Variants in HS6ST3 observed in about 807,000 individuals in gnomAD.
HS6ST3 encodes heparan-sulfate 6-O-sulfotransferase 3.
Under a neutral mutation model 36.7 loss-of-function variants are expected in HS6ST3, and 12 were observed. The observed-to-expected ratio is 0.33, with a 90% CI of 0.21 to 0.53. HS6ST3 has a LOEUF of 0.53. HS6ST3 is among the 20% of genes least tolerant of loss of function. The probability of loss-of-function intolerance (pLI) is 0.95; values close to 1 mark genes in which losing one functional copy is unlikely to be tolerated. For missense variants in HS6ST3, 584 were observed against 640.9 expected (o/e 0.91, Z 0.96); for synonymous variants, 240 against 257.5 (o/e 0.93, Z 0.65).
chr13:96,097,795 A>G (rs2053798604), intron 1 of HS6ST3, among the ~76,000 whole-genome samples: 1 of 152,254 alleles, frequency 6.6e-6, no homozygotes, highest in Non-Finnish European at 1.5e-5. Flanking sequence ...ACAGTTGCTC[A>G]GTTGCTCAGT....
chr13:96,444,636 A>T (rs953237566), intron 1 of HS6ST3, among the ~76,000 whole-genome samples: 2 of 152,238 alleles, frequency 1.3e-5, no homozygotes, highest in Admixed American at 6.5e-5. Flanking sequence ...TTCTGGATTC[A>T]ATATGATACA....
chr13:96,208,276 A>C (rs1053650776), intron 1 of HS6ST3, among the ~76,000 whole-genome samples: 12 of 152,224 alleles, frequency 7.9e-5, no homozygotes, highest in African/African-American at 2.9e-4. Context: ...TTATTCTTTT[A>C]ATGATTACAA....
At chr13:96,310,724 C>T (rs1414662678) in intron 1 of HS6ST3, among the ~76,000 whole-genome samples, 1 of 143,604 alleles carries the variant, frequency 7.0e-6, no homozygotes, top group Admixed American at 7.3e-5. Flanking sequence ...CACGTAAAAA[C>T]GTATGCGTGC....
chr13:96,627,657 C>A (rs1332425444), intron 1 of HS6ST3, among the ~76,000 whole-genome samples: 1 of 151,706 alleles, frequency 6.6e-6, no homozygotes, highest in South Asian at 2.1e-4. Context: ...GTTATTCAGG[C>A]CTGCTATTTT....
In HS6ST3 at chr13:96,503,894, GA is replaced by G. The variant is rs1195518137; in HGVS notation, c.708-328595del. Among the ~76,000 whole-genome samples, 11 of 152,238 alleles carry G rather than the reference GA, an allele frequency of 7.2e-5. No individual in the cohort carries two copies. In the East Asian group the frequency reaches 1.5e-3, roughly 21 times the overall value. On this transcript the variant is annotated intron_variant, in intron 1 of 1. Coordinates refer to ENST00000376705, the MANE Select transcript of HS6ST3 (RefSeq NM_153456.4). ...GGGAAGTCTGAGATCAAGGCATGGGGAGATTGAGTGTCCCATGAGGGGTTCT... is the reference window on the plus strand; with the variant it reads ...GGGAAGTCTGAGATCAAGGCATGGGGGATTGAGTGTCCCATGAGGGGTTCT...
At chr13:96,696,882 G>A (rs1176899729) in intron 1 of HS6ST3, among the ~76,000 whole-genome samples, 2 of 152,170 alleles carry the variant, frequency 1.3e-5, no homozygotes, top group South Asian at 2.1e-4. Context: ...AATAATGAAT[G>A]AATGTAGTCC....
intron 1 of HS6ST3, among the ~76,000 whole-genome samples, chr13:96,567,192 TC>T (rs2056284497): frequency 6.6e-6 from 1 of 152,068 alleles, no homozygotes; most frequent in Non-Finnish European, 1.5e-5. Context: ...CTACAGTTCT[TC>T]CGCCTCCCCA....
At chr13:96,444,083 G>A (rs1348277038) in intron 1 of HS6ST3, among the ~76,000 whole-genome samples, 2 of 152,186 alleles carry the variant, frequency 1.3e-5, no homozygotes, top group Non-Finnish European at 2.9e-5. Context: ...CTGAGAGATG[G>A]CAGGGATGAG....
At chr13:96,406,266 C>G (rs1054494011) in intron 1 of HS6ST3, among the ~76,000 whole-genome samples, 1 of 152,178 alleles carries the variant, frequency 6.6e-6, no homozygotes, top group Admixed American at 6.5e-5. Flanking sequence ...AATCATTCAA[C>G]TAACACTTTG....
At chr13:96,561,252 T>C (rs1224555655) in intron 1 of HS6ST3, among the ~76,000 whole-genome samples, 11 of 152,148 alleles carry the variant, frequency 7.2e-5, no homozygotes, top group Admixed American at 7.2e-4. Flanking sequence ...CCATCTGATC[T>C]TCGGTAAAGT....
intron 1 of HS6ST3, among the ~76,000 whole-genome samples, chr13:96,530,749 T>G (rs1433375750): frequency 6.6e-6 from 1 of 152,216 alleles, no homozygotes; most frequent in Non-Finnish European, 1.5e-5. Flanking sequence ...GTTTGGTCTT[T>G]GTCATCAATC....
At chr13:96,719,269 G>A (rs1319364605) in intron 1 of HS6ST3, among the ~76,000 whole-genome samples, 2 of 148,950 alleles carry the variant, frequency 1.3e-5, no homozygotes, top group Admixed American at 1.3e-4. Flanking sequence ...GCAAGACTAT[G>A]TCTCAAAAAA....
At position 96,832,832 on chromosome 13, in the gene HS6ST3, C is replaced by T; in HGVS notation, c.1050C>T (p.Phe350=). 1 of 1,614,180 alleles carries T rather than the reference C, an allele frequency of 6.2e-7. No individual in the cohort carries two copies. The highest frequency in any genetic ancestry group is 1.1e-5 in the South Asian group (1 of 91,082). The change falls in exon 2 of 2, where the codon TTC becomes TTT. Residue 350 remains phenylalanine, a synonymous_variant. Coordinates refer to ENST00000376705, the MANE Select transcript of HS6ST3 (RefSeq NM_153456.4). ...SAKNNLKNMA[F]FGLTEFQRKT... is the part of the protein sequence containing the mutation. ...AGAACAACCTGAAGAACATGGCCTT[C>T]TTTGGGCTCACTGAGTTCCAGAGGA... is the stretch of plus-strand genomic sequence containing the variant.
chr13:96,728,035 T>C (rs991793065), intron 1 of HS6ST3, among the ~76,000 whole-genome samples: 9 of 152,190 alleles, frequency 5.9e-5, no homozygotes, highest in African/African-American at 1.9e-4. Flanking sequence ...TCTTTTCTTA[T>C]CTATCTATTC....
At chr13:96,359,659 C>T (rs1245765945) in intron 1 of HS6ST3, among the ~76,000 whole-genome samples, 1 of 152,046 alleles carries the variant, frequency 6.6e-6, no homozygotes, top group East Asian at 1.9e-4. Context: ...AGGAATGGCA[C>T]CAGTCACTTT....
chr13:96,295,299 T>G (rs1265031767), intron 1 of HS6ST3, among the ~76,000 whole-genome samples: 3 of 152,148 alleles, frequency 2.0e-5, no homozygotes, highest in Non-Finnish European at 4.4e-5. Context: ...TAGGTTATGC[T>G]CACCTCTTAC....
chr13:96,436,927 T>C (rs947326679), intron 1 of HS6ST3, among the ~76,000 whole-genome samples: 1 of 151,906 alleles, frequency 6.6e-6, no homozygotes, highest in Non-Finnish European at 1.5e-5. Context: ...ATTGGTAAAG[T>C]TCTAGGTGGA....
At chr13:96,396,217 G>A (rs1428708494) in intron 1 of HS6ST3, among the ~76,000 whole-genome samples, 4 of 152,058 alleles carry the variant, frequency 2.6e-5, no homozygotes, top group Non-Finnish European at 4.4e-5. Flanking sequence ...TGGAGGCTGA[G>A]GCAGGAGAAT....
chr13:96,797,279 C>G (rs947070525), intron 1 of HS6ST3, among the ~76,000 whole-genome samples: 21 of 152,106 alleles, frequency 1.4e-4, no homozygotes, highest in African/African-American at 4.3e-4. Context: ...TACACTGATA[C>G]AGGCACCATC....
Sources: allele counts gnomAD v4.1 joint callset (sites outside exome capture counted in the v4.1 genomes callset), GRCh38; gene constraint gnomAD v4.1.1; transcripts MANE v1.5; gene names NCBI Gene and HGNC (gene_info 2026-07-23, HGNC 2026-07-21).